SMAP1: variants seen among roughly 807,000 people sequenced by gnomAD.
SMAP1 encodes stromal membrane-associated protein 1.
SMAP1 carries 24 observed loss-of-function variants against 58.5 expected under a neutral mutation model. The ratio of observed to expected loss-of-function variants is 0.41; its 90% CI spans 0.30 to 0.58. SMAP1 has a LOEUF of 0.58. Among genes scored for constraint, SMAP1 ranks in the 20% least tolerant of loss-of-function variants. The pLI is 0.29. For missense variants in SMAP1, 563 were observed against 566.3 expected, an observed-to-expected ratio of 0.99 and a Z score of 0.06; for synonymous variants, 216 against 196.6, an observed-to-expected ratio of 1.10 and a Z score of -0.82.
intron 8 of SMAP1, among the ~76,000 whole-genome samples, chr6:70,855,099 C>CATATACATATAG: frequency 6.6e-6 from 1 of 151,872 alleles, no homozygotes; most frequent in South Asian, 2.1e-4. Flanking sequence ...TATACATATA[C>CATATACATATAG]ATATACATAT....
intron 6 of SMAP1, among the ~76,000 whole-genome samples, chr6:70,818,958 C>A (rs1455586809): frequency 6.6e-6 from 1 of 152,100 alleles, no homozygotes; most frequent in Non-Finnish European, 1.5e-5. Context: ...GTAGCCATCA[C>A]CGCTGTCAGT....
intron 1 of SMAP1, among the ~76,000 whole-genome samples, chr6:70,690,491 A>C (rs1767115536): frequency 6.6e-6 from 1 of 151,762 alleles, no homozygotes; most frequent in African/African-American, 2.4e-5. Context: ...TTTTTAGTAG[A>C]GATGGGGTTT....
intron 2 of SMAP1, among the ~76,000 whole-genome samples, chr6:70,745,755 T>C (rs1342647635): frequency 6.6e-6 from 1 of 152,224 alleles, no homozygotes; most frequent in African/African-American, 2.4e-5. Flanking sequence ...ATCTATAAAT[T>C]ACCTTGGGCA....
At chr6:70,710,012 C>T (rs1767987348) in intron 1 of SMAP1, among the ~76,000 whole-genome samples, 1 of 151,874 alleles carries the variant, frequency 6.6e-6, no homozygotes, top group African/African-American at 2.4e-5. Context: ...TTGTGGGAGA[C>T]TCATAGAGTG....
At position 70,696,239 on chromosome 6, in the gene SMAP1, A is replaced by G. The variant is rs564651327; in HGVS notation, c.118+28098A>G. 4.0e-5 allele frequency among the ~76,000 whole-genome samples: 6 copies of G among 151,616 alleles called. No homozygotes were observed. In the East Asian group the frequency reaches 5.8e-4, roughly 15 times the overall value. On this transcript the variant is annotated intron_variant, in intron 1 of 10. Transcript: ENST00000370455. ...TTTCATTGATCTTTTGTATTATTTCAATTTCATTTATTTCTACTCTGATAT... is the reference window on the plus strand; with the variant it reads ...TTTCATTGATCTTTTGTATTATTTCGATTTCATTTATTTCTACTCTGATAT...
chr6:70,769,695 A>G (rs909946890), intron 3 of SMAP1, among the ~76,000 whole-genome samples: 2 of 151,620 alleles, frequency 1.3e-5, no homozygotes, highest in African/African-American at 4.9e-5. Flanking sequence ...ATGGGTCTTG[A>G]CTCTTTATCC....
At chr6:70,826,958 AAAG>A (rs1417307950) in intron 6 of SMAP1, among the ~76,000 whole-genome samples, 9 of 147,780 alleles carry the variant, frequency 6.1e-5, no homozygotes, top group African/African-American at 2.0e-4. Flanking sequence ...AAAAAAAAAA[AAAG>A]AAAAAGAAAA....
intron 7 of SMAP1, among the ~76,000 whole-genome samples, chr6:70,846,035 G>A (rs1328250119): frequency 6.6e-6 from 1 of 152,186 alleles, no homozygotes; most frequent in African/African-American, 2.4e-5. Context: ...AGCAATGGCT[G>A]TGGAGTCTTC....
chr6:70,686,499 T>C lies in SMAP1; in HGVS notation c.118+18358T>C, dbSNP rs545784314. On this transcript the variant is annotated intron_variant, in intron 1 of 10. Transcript: ENST00000370455. ...TTACTTTGTTTTGTTTGAGGAATTA[T>C]AGTTAACTCTTGAATAAACTGATAC... 3.9e-5 allele frequency among the ~76,000 whole-genome samples: 6 copies of C among 152,332 alleles called. No homozygotes were observed. In the South Asian group the frequency reaches 1.2e-3, roughly 32 times the overall value.
At chr6:70,715,751 T>C (rs1218910830) in intron 1 of SMAP1, among the ~76,000 whole-genome samples, 1 of 152,196 alleles carries the variant, frequency 6.6e-6, no homozygotes, top group Non-Finnish European at 1.5e-5. Context: ...TTATTTTTTA[T>C]TTCCATAGGT....
intron 1 of SMAP1, among the ~76,000 whole-genome samples, chr6:70,713,139 T>G (rs1768127090): frequency 6.6e-6 from 1 of 152,170 alleles, no homozygotes; most frequent in Non-Finnish European, 1.5e-5. Flanking sequence ...TGCTTCCTCT[T>G]TCATTTCTGA....
chr6:70,767,568 A>G (rs1767054106), intron 3 of SMAP1, among the ~76,000 whole-genome samples: 1 of 151,714 alleles, frequency 6.6e-6, no homozygotes, highest in Admixed American at 6.6e-5. Context: ...ATTGGTGTAT[A>G]AGAATGCTTG....
rs555791585 is a variant in SMAP1 at position 70,770,133 on chromosome 6, G to A, written c.339-3217G>A. Among the ~76,000 whole-genome samples, 550 of 151,788 alleles carry A rather than the reference G, an allele frequency of 3.6e-3. 3 individuals carry two copies. The highest frequency in any genetic ancestry group is 0.013 in the African/African-American group (527 of 41,206). On this transcript the variant is annotated intron_variant, in intron 3 of 10. Transcript: ENST00000370455. ...CGAGAGGTCAGCTGTTAGTCTGATG[G>A]GCTTCCCTTTGTGGGTAACCCGACC...
At chr6:70,858,287 CTTT>C (rs68188898) in intron 10 of SMAP1, 58 bp downstream of exon 10, 23,166 of 279,950 alleles carry the variant, frequency 0.083, 18 homozygotes, top group Middle Eastern at 0.13. Flanking sequence ...TTTTCTAAAT[CTTT>C]TTTTTTTTTT....
intron 4 of SMAP1, among the ~76,000 whole-genome samples, chr6:70,777,808 A>G (rs2149920608): frequency 6.6e-6 from 1 of 151,112 alleles, no homozygotes; most frequent in Middle Eastern, 3.4e-3. Flanking sequence ...GCTAGAGTGT[A>G]ATGGTGCAAT....
intron 6 of SMAP1, among the ~76,000 whole-genome samples, chr6:70,801,528 G>A (rs4410690): frequency 0.54 from 82,347 of 151,906 alleles, 22,597 homozygotes; most frequent in South Asian, 0.62. Flanking sequence ...ATTAGATTCC[G>A]TTTGTCATTT....
At chr6:70,800,510 T>A (rs1299318943) in intron 6 of SMAP1, among the ~76,000 whole-genome samples, 1 of 152,140 alleles carries the variant, frequency 6.6e-6, no homozygotes, top group Non-Finnish European at 1.5e-5. Flanking sequence ...TGTTTCTGTT[T>A]TCATTTTAAT....
At chr6:70,773,225 A>AC (rs1257906209) in intron 3 of SMAP1, 125 bp from the exon 4 acceptor site, 2 of 594,342 alleles carry the variant, frequency 3.4e-6, no homozygotes, top group Non-Finnish European at 5.9e-6. Context: ...AAATAATGTG[A>AC]AAGAGAGCAC....
intron 6 of SMAP1, among the ~76,000 whole-genome samples, chr6:70,801,156 T>C (rs1402335882): frequency 2.6e-5 from 4 of 152,198 alleles, no homozygotes; most frequent in Admixed American, 2.6e-4. Context: ...TGTTCTTGTT[T>C]CTCCACATCC....
Sources: allele counts gnomAD v4.1 joint callset (sites outside exome capture counted in the v4.1 genomes callset), GRCh38; gene constraint gnomAD v4.1.1; transcripts MANE v1.5; gene names NCBI Gene and HGNC (gene_info 2026-07-23, HGNC 2026-07-21).